Variants in ANKS1B observed in about 807,000 individuals in gnomAD.
ANKS1B encodes ankyrin repeat and sterile alpha motif domain-containing protein 1B.
In ANKS1B, 36 loss-of-function variants were observed where a neutral mutation model predicts 148.3. That is an observed-to-expected ratio of 0.24 (90% CI 0.19 to 0.32). The LOEUF is 0.32. ANKS1B is among the 10% of genes least tolerant of loss of function. The pLI is 1.00. For missense variants in ANKS1B, 1,157 were observed against 1,542.6 expected (o/e 0.75, Z 4.19); for synonymous variants, 542 against 560.8 (o/e 0.97, Z 0.47).
intron 25 of ANKS1B, 181 bp downstream of exon 25, chr12:98,772,861 T>C: frequency 1.6e-6 from 1 of 614,678 alleles, no homozygotes; most frequent in South Asian, 2.4e-5. Context: ...ATTTCTGCCA[T>C]TTAAGCCTCT....
chr12:99,560,771 A>C (rs781045659), intron 9 of ANKS1B, among the ~76,000 whole-genome samples: 2 of 147,836 alleles, frequency 1.4e-5, no homozygotes, highest in Non-Finnish European at 3.0e-5. Flanking sequence ...CTCAGTATTG[A>C]TGGCTGCTGA....
intron 12 of ANKS1B, among the ~76,000 whole-genome samples, chr12:99,394,717 T>C (rs2094188577): frequency 6.6e-6 from 1 of 152,186 alleles, no homozygotes; most frequent in Non-Finnish European, 1.5e-5. Context: ...TCAGCTTCCC[T>C]TGCTGGTGCT....
At chr12:99,150,518 G>A (rs987409776) in intron 15 of ANKS1B, among the ~76,000 whole-genome samples, 3 of 151,992 alleles carry the variant, frequency 2.0e-5, no homozygotes, top group Non-Finnish European at 4.4e-5. Flanking sequence ...CAGCAGGGAA[G>A]GAAAGGAAAT....
At chr12:99,487,752 A>G (rs951604245) in intron 10 of ANKS1B, among the ~76,000 whole-genome samples, 6 of 152,106 alleles carry the variant, frequency 3.9e-5, no homozygotes, top group African/African-American at 1.4e-4. Context: ...TAAGTGGTCA[A>G]TTTTTCTCAG....
At chr12:99,397,432 C>G (rs2094280868) in intron 12 of ANKS1B, among the ~76,000 whole-genome samples, 1 of 152,050 alleles carries the variant, frequency 6.6e-6, no homozygotes, top group Non-Finnish European at 1.5e-5. Context: ...CAACCTATTG[C>G]AGCTTACATT....
intron 15 of ANKS1B, among the ~76,000 whole-genome samples, chr12:99,133,401 A>AT (rs2066823565): frequency 6.6e-6 from 1 of 152,102 alleles, no homozygotes; most frequent in Non-Finnish European, 1.5e-5. Context: ...GGCAATATTT[A>AT]GTGTTAACCC....
chr12:99,667,870 A>G (rs2098517196), intron 8 of ANKS1B, among the ~76,000 whole-genome samples: 1 of 152,236 alleles, frequency 6.6e-6, no homozygotes, highest in Admixed American at 6.5e-5. Context: ...CTGTTAAAAT[A>G]ACCTTGCCTT....
intron 14 of ANKS1B, among the ~76,000 whole-genome samples, chr12:99,240,160 A>G (rs1433905692): frequency 6.6e-6 from 1 of 152,232 alleles, no homozygotes; most frequent in African/African-American, 2.4e-5. Context: ...TGCTGTATTC[A>G]GGAGACACAT....
intron 1 of ANKS1B, among the ~76,000 whole-genome samples, chr12:99,890,171 CT>C (rs2093022345): frequency 6.6e-6 from 1 of 152,194 alleles, no homozygotes; most frequent in Non-Finnish European, 1.5e-5. Context: ...TGTGTGTCAA[CT>C]TGACTAGGCT....
At chr12:99,333,866 T>TTTTTTTTTTTTTTA (rs2088160205) in intron 12 of ANKS1B, among the ~76,000 whole-genome samples, 1 of 149,944 alleles carries the variant, frequency 6.7e-6, no homozygotes, top group Non-Finnish European at 1.5e-5. Context: ...TTTTTTTTTT[T>TTTTTTTTTTTTTTA]TTTTTTTTTA....
At chr12:99,311,669 T>C (rs1302642501) in intron 12 of ANKS1B, among the ~76,000 whole-genome samples, 1 of 152,122 alleles carries the variant, frequency 6.6e-6, no homozygotes, top group African/African-American at 2.4e-5. Context: ...TTTAAAGAAG[T>C]GCCAGGCATT....
intron 16 of ANKS1B, chr12:99,083,687 A>G (rs2050627819): frequency 6.6e-6 from 1 of 152,200 alleles, no homozygotes; most frequent in Admixed American, 6.5e-5. Flanking sequence ...TTTCAGTGGC[A>G]TGAAGTACAT....
In ANKS1B at chr12:99,106,687, C is replaced by A. The variant is rs541016228; in HGVS notation, c.2527-21664G>T. On this transcript the variant is annotated intron_variant, in intron 15 of 26. Coordinates refer to ENST00000683438, the MANE Select transcript of ANKS1B (RefSeq NM_001352186.2). ...AGTATCCATCATCTCAAGCATTTAT[C>A]ATTTCTTTGTGTAAGGAACACTCCA... Among the ~76,000 whole-genome samples the A allele has an allele frequency of 2.6e-5, 4 of 152,232 alleles. No homozygotes were observed. In the East Asian group the frequency reaches 7.7e-4, roughly 29 times the overall value.
chr12:99,674,672 C>G (rs565279913), intron 8 of ANKS1B, among the ~76,000 whole-genome samples: 267 of 151,682 alleles, frequency 1.8e-3, no homozygotes, highest in Non-Finnish European at 2.6e-3. Flanking sequence ...GAAAACAAAA[C>G]ATGCGAATTG....
chr12:99,249,562 C>T (rs537676459), intron 12 of ANKS1B, among the ~76,000 whole-genome samples: 6 of 152,288 alleles, frequency 3.9e-5, no homozygotes, highest in Admixed American at 1.3e-4. Context: ...ACAAATATTA[C>T]TTGCTTTTTC....
rs80215729 is a variant in ANKS1B, at chr12:99,047,617, G to A, written c.2778+5540C>T. Among the ~76,000 whole-genome samples the A allele has an allele frequency of 4.2e-3, 646 of 152,230 alleles. 24 individuals carry two copies. The East Asian group carries it at 0.087, about 21-fold the overall frequency. On this transcript the variant is annotated intron_variant, in intron 17 of 26. Coordinates refer to ENST00000683438, the MANE Select transcript of ANKS1B (RefSeq NM_001352186.2). ...AAAAACTGACCCATTATGTATAGAG[G>A]AACAACAAAATGGCGGCAGGTTTCT...
intron 1 of ANKS1B, among the ~76,000 whole-genome samples, chr12:99,890,619 GTGTGTA>G (rs1164863431): frequency 2.7e-5 from 3 of 112,392 alleles, no homozygotes; most frequent in Admixed American, 8.8e-5. Context: ...GTGTGTGTGT[GTGTGTA>G]TTCTCTTGTT....
chr12:99,714,331 C>G (rs899224210), intron 8 of ANKS1B, among the ~76,000 whole-genome samples: 2 of 152,184 alleles, frequency 1.3e-5, no homozygotes, highest in African/African-American at 4.8e-5. Flanking sequence ...TTAACTTAAT[C>G]ACCTGTGAAG....
At chr12:99,009,868 C>T (rs573757137) in intron 17 of ANKS1B, among the ~76,000 whole-genome samples, 2 of 151,392 alleles carry the variant, frequency 1.3e-5, no homozygotes, top group South Asian at 4.2e-4. Flanking sequence ...ACAAAAAACC[C>T]AAAAACTGAG....
Sources: gnomAD v4.1 joint callset for allele counts (sites outside exome capture counted in the v4.1 genomes callset) on GRCh38, gnomAD v4.1.1 for gene constraint, MANE v1.5 for transcripts, NCBI Gene and HGNC (gene_info 2026-07-23, HGNC 2026-07-21) for gene names.